Variants in CCDC3 observed in about 807,000 individuals in gnomAD.
CCDC3 encodes coiled-coil domain containing 3.
A neutral mutation model predicts 21.4 loss-of-function variants in CCDC3; 24 were observed. The ratio of observed to expected loss-of-function variants is 1.12; its 90% CI spans 0.81 to 1.58. The LOEUF is 1.58. CCDC3 is among the 40% of genes most tolerant of loss of function. CCDC3 has a pLI of 0.00. For synonymous variants in CCDC3, 186 were observed against 166.0 expected (o/e 1.12, Z -0.93); for missense variants, 425 against 360.9 (o/e 1.18, Z -1.44).
chr10:13,005,292 T>C (rs568377839), upstream of CCDC3, among the ~76,000 whole-genome samples: 9 of 152,314 alleles, frequency 5.9e-5, no homozygotes, highest in South Asian at 1.2e-3. Flanking sequence ...CAAGAGGCCA[T>C]AAACCATATG....
intron 5 of CCDC3, among the ~76,000 whole-genome samples, chr10:13,027,842 T>C (rs749596933): frequency 2.0e-5 from 3 of 152,158 alleles, no homozygotes; most frequent in Admixed American, 6.5e-5. Context: ...AAAACAATAG[T>C]TGAGAGAGGT....
chr10:13,047,918 C>T (rs182963987), intron 5 of CCDC3, among the ~76,000 whole-genome samples: 221 of 152,102 alleles, frequency 1.5e-3, no homozygotes, highest in Non-Finnish European at 2.1e-3. Flanking sequence ...TCTCCAAAGA[C>T]GATTTTGAGG....
intron 5 of CCDC3, among the ~76,000 whole-genome samples, chr10:13,013,063 T>C (rs1316641629): frequency 1.3e-5 from 2 of 152,242 alleles, no homozygotes; most frequent in South Asian, 4.1e-4. Context: ...TTATCACATT[T>C]ATTCTTCAGA....
intron 2 of CCDC3, among the ~76,000 whole-genome samples, chr10:12,940,585 T>C (rs1164840453): frequency 6.6e-6 from 1 of 152,194 alleles, no homozygotes; most frequent in Non-Finnish European, 1.5e-5. Flanking sequence ...TCCATGACTG[T>C]CCAATCATAA....
Position 12,988,861 on chromosome 10 carries a change from A to G in CCDC3, c.549+9477T>C, listed in dbSNP as rs547086638. Among the ~76,000 whole-genome samples the G allele has an allele frequency of 5.3e-5, 8 of 152,342 alleles. 1 individual carries two copies. In the East Asian group the frequency reaches 1.2e-3, roughly 22 times the overall value. On this transcript the variant is annotated intron_variant, in intron 2 of 2. Coordinates refer to ENST00000378825, the MANE Select transcript of CCDC3 (RefSeq NM_031455.4). The stretch of plus-strand genomic sequence containing the variant: ...GTAGAATGAAGGTACAAATGAATAA[A>G]TTAAAAAGACCACCATCCTACCTAC...
At chr10:13,008,865 A>T (rs1183465474) in intron 5 of CCDC3, among the ~76,000 whole-genome samples, 1 of 152,218 alleles carries the variant, frequency 6.6e-6, no homozygotes, top group Non-Finnish European at 1.5e-5. Flanking sequence ...CTTTCCCTTA[A>T]GATCAGAAAC....
At chr10:12,919,251 T>C (rs1834408070) in intron 2 of CCDC3, among the ~76,000 whole-genome samples, 1 of 152,164 alleles carries the variant, frequency 6.6e-6, no homozygotes, top group Non-Finnish European at 1.5e-5. Flanking sequence ...CTTACATTTT[T>C]ACACAGATCA....
At chr10:13,069,849 G>T (rs1196534639) in intron 4 of CCDC3, among the ~76,000 whole-genome samples, 1 of 152,132 alleles carries the variant, frequency 6.6e-6, no homozygotes, top group Admixed American at 6.5e-5. Context: ...TGTCAATCAT[G>T]TTTCTGACTA....
At chr10:12,967,483 T>G (rs1453370585) in intron 2 of CCDC3, among the ~76,000 whole-genome samples, 2 of 152,150 alleles carry the variant, frequency 1.3e-5, no homozygotes, top group African/African-American at 4.8e-5. Context: ...TTACAATTAT[T>G]TTTAAAAAAT....
At chr10:13,035,390 A>C (rs897074332) in intron 5 of CCDC3, among the ~76,000 whole-genome samples, 1 of 152,244 alleles carries the variant, frequency 6.6e-6, no homozygotes, top group African/African-American at 2.4e-5. Context: ...AAATAAAATA[A>C]AAAATAAATG....
At chr10:12,903,802 ATCTG>A (rs1834128628) in intron 2 of CCDC3, among the ~76,000 whole-genome samples, 1 of 152,222 alleles carries the variant, frequency 6.6e-6, no homozygotes, top group African/African-American at 2.4e-5. Context: ...ATACTTCCTT[ATCTG>A]TCTAAAATAA....
In CCDC3 at chr10:12,923,195, T is replaced by C. The variant is rs542354809; in HGVS notation, c.550-24516A>G. ...ATCTTCTAGAAGGGAAAGTAATCTC[T>C]GGGTGCTGTTCGTCTGTTTGGGGAA... On this transcript the variant is annotated intron_variant, in intron 2 of 2. Transcript: ENST00000378825. Among the ~76,000 whole-genome samples the C allele has an allele frequency of 7.2e-5, 11 of 152,274 alleles. No individual in the cohort carries two copies. In the East Asian group the frequency reaches 1.9e-3, roughly 27 times the overall value.
chr10:12,927,025 T>C (rs1368041422), intron 2 of CCDC3, among the ~76,000 whole-genome samples: 2 of 152,226 alleles, frequency 1.3e-5, no homozygotes, highest in Non-Finnish European at 2.9e-5. Flanking sequence ...TAGAGTAGTA[T>C]ATTAGCAACC....
chr10:13,006,002 G>C (rs1435836103), upstream of CCDC3, among the ~76,000 whole-genome samples: 2 of 152,176 alleles, frequency 1.3e-5, no homozygotes, highest in Non-Finnish European at 2.9e-5. Context: ...TACTGAGGTG[G>C]CAGGTCCCTG....
chr10:13,000,523 CAG>C (rs1344592558), intron 1 of CCDC3, among the ~76,000 whole-genome samples: 1 of 152,186 alleles, frequency 6.6e-6, no homozygotes, highest in East Asian at 1.9e-4. Flanking sequence ...TTACCAGCAG[CAG>C]AACCCCAAGC....
chr10:12,942,595 A>C (rs995359538), intron 2 of CCDC3, among the ~76,000 whole-genome samples: 2 of 152,206 alleles, frequency 1.3e-5, no homozygotes, highest in Non-Finnish European at 2.9e-5. Flanking sequence ...ATGTACAGTA[A>C]TGAAGCAGGC....
chr10:12,936,937 A>C (rs530798521), intron 2 of CCDC3, among the ~76,000 whole-genome samples: 1 of 152,178 alleles, frequency 6.6e-6, no homozygotes, highest in Non-Finnish European at 1.5e-5. Flanking sequence ...TAACTAAAGA[A>C]ATAAAAAACA....
At position 12,998,343 on chromosome 10, in the gene CCDC3, T is replaced by C. The variant is rs750850147; in HGVS notation, c.544A>G (p.Ser182Gly). ...FSSDWEIQEDSRLMCSSVQKA... is the reference protein window; with the variant it reads ...FSSDWEIQEDGRLMCSSVQKA... ...AGGATTTAGCCAATTCTTACCCTAC[T>C]GTCTTCCTGGATTTCCCAGTCACTG... The change falls in exon 2 of 3, where the codon AGT becomes GGT. Residue 182 changes from serine to glycine, a missense_variant. Ser to Gly is a moderately conservative substitution (Grantham distance 56). Transcript: ENST00000378825. 4 of 1,614,058 alleles carry C rather than the reference T, an allele frequency of 2.5e-6. No homozygotes were observed. The highest frequency in any genetic ancestry group is 1.7e-5 in the Admixed American group (1 of 60,012).
In CCDC3 at chr10:12,986,712, G is replaced by A. The variant is rs575633326; in HGVS notation, c.549+11626C>T. Among the ~76,000 whole-genome samples, 395 of 151,668 alleles carry A rather than the reference G, an allele frequency of 2.6e-3. 4 individuals carry two copies. Among genetic ancestry groups the A allele is most frequent in the African/African-American group, 9.2e-3 (381 of 41,354 alleles). On this transcript the variant is annotated intron_variant, in intron 2 of 2. Coordinates refer to ENST00000378825, the MANE Select transcript of CCDC3 (RefSeq NM_031455.4). ...TGGCGTGACGCGGGAGGCGGAGCTT[G>A]CAGTGAGCCGAGATCGTGCCACTGC...
Sources: gnomAD v4.1 joint callset for allele counts (sites outside exome capture counted in the v4.1 genomes callset) on GRCh38, gnomAD v4.1.1 for gene constraint, MANE v1.5 for transcripts, NCBI Gene and HGNC (gene_info 2026-07-23, HGNC 2026-07-21) for gene names.